Variants in CHL1 observed in about 807,000 individuals in gnomAD.
The protein encoded by CHL1 is neural cell adhesion molecule L1-like protein.
In CHL1, 96 loss-of-function variants were observed where a neutral mutation model predicts 141.9. That is an observed-to-expected ratio of 0.68 (90% confidence interval 0.57 to 0.80). The LOEUF is 0.80. Ranked by LOEUF, CHL1 falls within the 30% of genes least tolerant of loss-of-function variation. The pLI is 0.00. For missense variants in CHL1, 1,820 were observed against 1,457.2 expected (o/e 1.25, Z -4.05); for synonymous variants, 613 against 502.2 (o/e 1.22, Z -2.95).
chr3:331,068 T>G lies in CHL1; in HGVS notation c.385+2714T>G, dbSNP rs759210702. ...ACTTCCACCTCATATCATATAAAAA[T>G]CATCTCAGAGTGGATAAAAGGCTGA... On this transcript the variant is annotated intron_variant, in intron 5 of 27. Transcript: ENST00000256509. Among the ~76,000 whole-genome samples, 9 of 152,220 alleles carry G rather than the reference T, an allele frequency of 5.9e-5. No individual in the cohort carries two copies. The East Asian group carries it at 1.7e-3, about 29-fold the overall frequency.
chr3:235,542 G>A (rs1481301534), intron 1 of CHL1, among the ~76,000 whole-genome samples: 1 of 152,092 alleles, frequency 6.6e-6, no homozygotes, highest in Non-Finnish European at 1.5e-5. Flanking sequence ...CAATTAACTG[G>A]TGTGATCAGG....
intron 1 of CHL1, among the ~76,000 whole-genome samples, chr3:200,943 G>A (rs997597766): frequency 5.9e-5 from 9 of 152,134 alleles, no homozygotes; most frequent in Non-Finnish European, 1.2e-4. Flanking sequence ...TATGTGTGTC[G>A]CAATAGTGTA....
At chr3:316,002 G>T (rs946129616) in intron 2 of CHL1, among the ~76,000 whole-genome samples, 1 of 152,028 alleles carries the variant, frequency 6.6e-6, no homozygotes, top group African/African-American at 2.4e-5. Context: ...TCTGATTTAT[G>T]CAGGGCCCAC....
intron 2 of CHL1, among the ~76,000 whole-genome samples, chr3:309,562 T>C (rs892247004): frequency 2.0e-5 from 3 of 151,814 alleles, no homozygotes; most frequent in Non-Finnish European, 2.9e-5. Flanking sequence ...CTCACTCTGT[T>C]GCCCAGGCAG....
At chr3:288,136 C>T (rs1697340645) in intron 2 of CHL1, among the ~76,000 whole-genome samples, 1 of 152,140 alleles carries the variant, frequency 6.6e-6, no homozygotes, top group African/African-American at 2.4e-5. Flanking sequence ...CCTCAGAATA[C>T]AGGATGAAAC....
chr3:275,967 C>T (rs1039677700), intron 2 of CHL1, among the ~76,000 whole-genome samples: 1 of 151,842 alleles, frequency 6.6e-6, no homozygotes. Context: ...ACCCTTTTAA[C>T]ATATGAAAAA....
chr3:345,613 A>T (rs1257185921), intron 9 of CHL1, among the ~76,000 whole-genome samples: 3 of 151,980 alleles, frequency 2.0e-5, no homozygotes, highest in Non-Finnish European at 4.4e-5. Context: ...CCTCCTGAGT[A>T]GCTGAAGCTA....
At chr3:275,389 C>T (rs1351538500) in intron 2 of CHL1, among the ~76,000 whole-genome samples, 1 of 152,142 alleles carries the variant, frequency 6.6e-6, no homozygotes, top group Non-Finnish European at 1.5e-5. Flanking sequence ...ACTTGCATTC[C>T]AGTTGTGTAT....
rs180675854 is a variant in CHL1 at position 317,964 on chromosome 3, A to C, written c.-94-1719A>C. On this transcript the variant is annotated intron_variant, in intron 2 of 27. Transcript: ENST00000256509. The stretch of plus-strand genomic sequence containing the variant: ...TTACAAGTATAAGTTATTTGTCATT[A>C]GAAAATATTCTGAAGCATACATGAG... Among the ~76,000 whole-genome samples the C allele has an allele frequency of 2.8e-3, 419 of 152,064 alleles. 2 individuals carry two copies. The highest frequency in any genetic ancestry group is 0.01 in the Middle Eastern group (3 of 294).
At chr3:292,812 T>C (rs1697814120) in intron 2 of CHL1, among the ~76,000 whole-genome samples, 1 of 152,062 alleles carries the variant, frequency 6.6e-6, no homozygotes, top group African/African-American at 2.4e-5. Context: ...CACACGCTTC[T>C]AAACAACCAG....
chr3:294,354 C>T (rs751051092), intron 2 of CHL1, among the ~76,000 whole-genome samples: 3 of 152,156 alleles, frequency 2.0e-5, no homozygotes, highest in Non-Finnish European at 2.9e-5. Flanking sequence ...TACATACGTA[C>T]TAGAATCAAG....
chr3:220,760 A>T lies in CHL1; in HGVS notation c.-175+23697A>T, dbSNP rs188650443. ...CAACAATGAAAATATGTAGTACAGA[A>T]TCTTGTGAAGGTGTTAGGAAATGAG... On this transcript the variant is annotated intron_variant, in intron 1 of 27. Transcript: ENST00000256509. 2.0e-5 allele frequency among the ~76,000 whole-genome samples: 3 copies of T among 152,350 alleles called. No homozygotes were observed. The East Asian group carries it at 5.8e-4, about 29-fold the overall frequency.
chr3:203,267 A>C (rs1699115990), intron 1 of CHL1, among the ~76,000 whole-genome samples: 1 of 152,200 alleles, frequency 6.6e-6, no homozygotes, highest in Non-Finnish European at 1.5e-5. Flanking sequence ...TTTAAGACAA[A>C]TTTCAGCCAA....
intron 1 of CHL1, among the ~76,000 whole-genome samples, chr3:217,096 T>C (rs577044124): frequency 3.9e-4 from 59 of 152,240 alleles, no homozygotes; most frequent in Admixed American, 6.5e-4. Flanking sequence ...CCTGTGTGCA[T>C]TGGGGAAGAA....
At chr3:398,150 C>A in intron 24 of CHL1, 77 bp from the exon 25 acceptor site, 2 of 1,006,800 alleles carry the variant, frequency 2.0e-6, no homozygotes, top group East Asian at 2.8e-5. Context: ...TCTTATTCAC[C>A]TCTAACAACA....
intron 2 of CHL1, among the ~76,000 whole-genome samples, chr3:306,104 G>A (rs1459451192): frequency 2.6e-5 from 4 of 152,084 alleles, no homozygotes; most frequent in Non-Finnish European, 5.9e-5. Flanking sequence ...CATGGAAAAC[G>A]AGGACAAGAT....
chr3:346,530 G>T (rs553851675), intron 9 of CHL1, among the ~76,000 whole-genome samples: 1 of 152,152 alleles, frequency 6.6e-6, no homozygotes, highest in Non-Finnish European at 1.5e-5. Flanking sequence ...TAGCAACTGC[G>T]CAGAATGTCT....
intron 2 of CHL1, among the ~76,000 whole-genome samples, chr3:280,008 C>G (rs967788024): frequency 2.0e-5 from 3 of 151,926 alleles, no homozygotes; most frequent in Non-Finnish European, 4.4e-5. Flanking sequence ...TTTTTAACTG[C>G]TGATTATGGT....
At chr3:199,892 C>A (rs562236467) in intron 1 of CHL1, among the ~76,000 whole-genome samples, 4 of 151,976 alleles carry the variant, frequency 2.6e-5, no homozygotes, top group Non-Finnish European at 4.4e-5. Context: ...TATTTTTAAC[C>A]GATAAAAGAA....
Sources: allele counts gnomAD v4.1 joint callset (sites outside exome capture counted in the v4.1 genomes callset), GRCh38; gene constraint gnomAD v4.1.1; transcripts MANE v1.5; gene names NCBI Gene and HGNC (gene_info 2026-07-23, HGNC 2026-07-21).